HTR4: variants seen among roughly 807,000 people sequenced by gnomAD.
The protein encoded by HTR4 is 5-hydroxytryptamine receptor 4.
Under a neutral mutation model 36.8 loss-of-function variants are expected in HTR4, and 16 were observed. The observed-to-expected ratio is 0.43, with a 90% CI of 0.29 to 0.66. The LOEUF is 0.66. Ranked by LOEUF, HTR4 falls within the 30% of genes least tolerant of loss-of-function variation. HTR4 has a pLI of 0.13. For synonymous variants in HTR4, 189 were observed against 185.1 expected, an observed-to-expected ratio of 1.02 and a Z score of -0.17; for missense variants, 438 against 490.9, an observed-to-expected ratio of 0.89 and a Z score of 1.02.
At chr5:148,626,375 T>C (rs1753105799) in intron 2 of HTR4, among the ~76,000 whole-genome samples, 2 of 152,230 alleles carry the variant, frequency 1.3e-5, no homozygotes, top group Admixed American at 6.5e-5. Context: ...ATAGCTTGTC[T>C]AAAAGTCACA....
In HTR4 at chr5:148,612,169, C is replaced by A. The variant is rs981077498; in HGVS notation, c.26+24820G>T. On this transcript the variant is annotated intron_variant, in intron 2 of 6. Coordinates refer to ENST00000377888, the MANE Select transcript of HTR4 (RefSeq NM_000870.7). ...CCAGGAATTAAACTCAGCTCTGCAC[C>A]AAGCGGACCTAATAGACATCTACAG... Among the ~76,000 whole-genome samples the A allele has an allele frequency of 4.1e-4, 63 of 152,258 alleles. 2 individuals carry two copies. In the South Asian group the frequency reaches 8.3e-3, roughly 20 times the overall value.
At chr5:148,601,985 G>C (rs1762013392) in intron 2 of HTR4, among the ~76,000 whole-genome samples, 1 of 152,108 alleles carries the variant, frequency 6.6e-6, no homozygotes, top group Non-Finnish European at 1.5e-5. Context: ...GGGTTGGAAA[G>C]ATGAGGAGAT....
At chr5:148,607,036 T>G (rs1336477245) in intron 2 of HTR4, among the ~76,000 whole-genome samples, 2 of 152,204 alleles carry the variant, frequency 1.3e-5, no homozygotes, top group African/African-American at 4.8e-5. Flanking sequence ...TAAACCTTAA[T>G]CATAATGGTG....
intron 2 of HTR4, among the ~76,000 whole-genome samples, chr5:148,605,286 C>T: frequency 8.0e-6 from 1 of 125,748 alleles, no homozygotes; most frequent in East Asian, 2.5e-4. Context: ...GAGATGGAGT[C>T]TCACTCTTGT....
chr5:148,626,369 C>T (rs911117169), intron 2 of HTR4, among the ~76,000 whole-genome samples: 1 of 152,192 alleles, frequency 6.6e-6, no homozygotes, highest in Non-Finnish European at 1.5e-5. Context: ...ATTATCATAG[C>T]TTGTCTAAAA....
intron 1 of HTR4, chr5:148,646,534 A>AT (rs1277006152): frequency 6.6e-6 from 1 of 152,108 alleles, no homozygotes; most frequent in East Asian, 1.9e-4. Flanking sequence ...CAAAATCTAC[A>AT]TTTTTCCTAG....
At chr5:148,568,265 C>T (rs986071823) in intron 2 of HTR4, among the ~76,000 whole-genome samples, 4 of 152,064 alleles carry the variant, frequency 2.6e-5, no homozygotes, top group African/African-American at 9.7e-5. Context: ...ACACTAATCC[C>T]CATTTTTTGT....
downstream of HTR4, chr5:148,476,684 T>G (rs1755707692): frequency 1.9e-6 from 3 of 1,588,778 alleles, no homozygotes; most frequent in East Asian, 4.6e-5. Flanking sequence ...AAACCTGTGT[T>G]GGGCACTAAG....
intron 2 of HTR4, among the ~76,000 whole-genome samples, chr5:148,626,002 G>A (rs1753090148): frequency 1.3e-5 from 2 of 151,802 alleles, no homozygotes; most frequent in African/African-American, 2.4e-5. Context: ...TCTTACTAGT[G>A]TAGAAAGTCA....
intron 5 of HTR4, among the ~76,000 whole-genome samples, chr5:148,469,384 T>C (rs1755510088): frequency 6.6e-6 from 1 of 152,220 alleles, no homozygotes; most frequent in Non-Finnish European, 1.5e-5. Flanking sequence ...CACACTGTGC[T>C]TAAATGAGTC....
chr5:148,484,415 A>G lies in HTR4; in HGVS notation c.1077-1122T>C, dbSNP rs117669512. The G allele has an allele frequency of 1.8e-5, 29 of 1,586,840 alleles. No individual in the cohort carries two copies. The East Asian group carries it at 6.3e-4, about 34-fold the overall frequency. On this transcript the variant is annotated intron_variant, in intron 6 of 6. Coordinates refer to ENST00000377888, the MANE Select transcript of HTR4 (RefSeq NM_000870.7). ...AAGAAATTATTTGGCATGAATTATT[A>G]TACAACAGTGAATCTTACTTACACA...
intron 4 of HTR4, among the ~76,000 whole-genome samples, 170 bp from the exon 5 acceptor site, chr5:148,523,516 G>C (rs1278116342): frequency 1.3e-5 from 2 of 152,004 alleles, no homozygotes; most frequent in East Asian, 3.9e-4. Context: ...TAAAAATAAG[G>C]AAATAAAAGA....
chr5:148,642,077 C>T lies in HTR4; in HGVS notation c.-47-5016G>A, dbSNP rs985882986. ...GGATGGATATTCATGCATAACTATG[C>T]TTGGATTGACCGTGTTTCTTTATAG... On this transcript the variant is annotated intron_variant, in intron 1 of 6. Transcript: ENST00000377888. Among the ~76,000 whole-genome samples the T allele has an allele frequency of 1.9e-4, 29 of 152,166 alleles. 1 individual carries two copies. The highest frequency in any genetic ancestry group is 1.5e-3 in the Admixed American group (23 of 15,276).
chr5:148,477,288 T>C (rs902144961), downstream of HTR4, among the ~76,000 whole-genome samples: 6 of 152,224 alleles, frequency 3.9e-5, no homozygotes, highest in African/African-American at 1.4e-4. Flanking sequence ...TGGCCAATAA[T>C]TGGCTTTTCC....
intron 4 of HTR4, among the ~76,000 whole-genome samples, chr5:148,537,532 A>T (rs1002267961): frequency 2.0e-5 from 3 of 152,062 alleles, no homozygotes; most frequent in African/African-American, 7.2e-5. Context: ...CTGAATAAAC[A>T]CAATTAGAAA....
chr5:148,561,723 G>A (rs1024156576), intron 2 of HTR4, among the ~76,000 whole-genome samples: 1 of 151,390 alleles, frequency 6.6e-6, no homozygotes, highest in Admixed American at 6.6e-5. Context: ...TTCAATATTC[G>A]GCTGATCATT....
intron 4 of HTR4, among the ~76,000 whole-genome samples, chr5:148,528,837 T>C (rs565834075): frequency 6.6e-6 from 1 of 152,112 alleles, no homozygotes; most frequent in South Asian, 2.1e-4. Flanking sequence ...TAAGGCAAAA[T>C]GCACTGGCTG....
At chr5:148,643,103 A>T (rs899673607) in intron 1 of HTR4, among the ~76,000 whole-genome samples, 8 of 152,348 alleles carry the variant, frequency 5.3e-5, no homozygotes, top group African/African-American at 1.9e-4. Flanking sequence ...TGAATATCCA[A>T]TACGGACGCC....
At chr5:148,500,830 T>G (rs1197361504) in intron 6 of HTR4, among the ~76,000 whole-genome samples, 1 of 152,170 alleles carries the variant, frequency 6.6e-6, no homozygotes, top group Non-Finnish European at 1.5e-5. Flanking sequence ...TAACCTAATA[T>G]TTTTTAATTA....
Sources: allele counts gnomAD v4.1 joint callset (sites outside exome capture counted in the v4.1 genomes callset), GRCh38; gene constraint gnomAD v4.1.1; transcripts MANE v1.5; gene names NCBI Gene and HGNC (gene_info 2026-07-23, HGNC 2026-07-21).